The following CASP10 variants were observed in gnomAD, a reference collection of about 807,000 sequenced individuals.
The protein encoded by CASP10 is caspase 10, also known as caspase-10.
A neutral mutation model predicts 48.5 loss-of-function variants in CASP10; 41 were observed. The ratio of observed to expected loss-of-function variants is 0.85; its 90% confidence interval spans 0.66 to 1.10. The LOEUF is 1.10. Ranked by LOEUF, CASP10 falls within the 50% of genes least tolerant of loss-of-function variation. The pLI is 0.00. For synonymous variants in CASP10, 232 were observed against 238.4 expected, an observed-to-expected ratio of 0.97 and a Z score of 0.25; for missense variants, 614 against 614.5, an observed-to-expected ratio of 1.00 and a Z score of 0.01.
Position 201,218,235 on chromosome 2 carries a change from A to G in CASP10, c.*494A>G. 9.9e-7 allele frequency: 1 copy of G among 1,014,592 alleles called. No individual in the cohort carries two copies. The highest frequency in any genetic ancestry group is 1.7e-5 in the African/African-American group (1 of 57,476). The allele number at this position is 1,014,592 out of a possible 1,614,324, so 62.8% of individuals were successfully genotyped here. ...CACACCTGGCCAGAAAACTTTCATT[A>G]TTGAAGACTTGGATTGTAGCCTTGG... On this transcript the variant is annotated 3_prime_UTR_variant, in exon 10 of 10. Transcript: ENST00000286186.
chr2:201,225,926 A>G (rs1426984484), downstream of CASP10, among the ~76,000 whole-genome samples: 1 of 152,228 alleles, frequency 6.6e-6, no homozygotes. Context: ...AGATCATGCC[A>G]CTGCACTCCA....
In CASP10 at chr2:201,217,674, C is replaced by T. The variant is rs148939095; in HGVS notation, c.1502C>T (p.Pro501Leu). 930 of 1,614,084 alleles carry T rather than the reference C, an allele frequency of 5.8e-4. 4 individuals carry two copies. The highest frequency in any genetic ancestry group is 2.5e-3 in the Admixed American group (151 of 60,016). ...AAACAGGGAACAAAGAAACAGATGC[C>T]CCAGCCTGCTTTCACACTAAGGAAA... is the stretch of plus-strand genomic sequence containing the variant. ...VDKQGTKKQM[P>L]QPAFTLRKKL... Residue 501 changes from proline (P) to leucine (L), a missense_variant, in exon 10 of 10, where the codon CCC becomes CTC. Coordinates refer to ENST00000286186, the MANE Select transcript of CASP10 (RefSeq NM_032977.4).
At chr2:201,198,835 C>T (rs41361445) in intron 5 of CASP10, among the ~76,000 whole-genome samples, 11 of 152,222 alleles carry the variant, frequency 7.2e-5, no homozygotes, top group South Asian at 6.2e-4. Context: ...CCACCGCGCC[C>T]GGCCTATATT....
At chr2:201,208,043 T>C (rs1240242578) in intron 7 of CASP10, 32 bp from the exon 8 acceptor site, 1 of 1,503,202 alleles carries the variant, frequency 6.7e-7, no homozygotes, top group Admixed American at 1.7e-5. Context: ...AAGATAAGGA[T>C]TCCTACTAAG....
chr2:201,184,629 C>T lies in CASP10; in HGVS notation c.-7-1142C>T, dbSNP rs191697811. Among the ~76,000 whole-genome samples, 11 of 152,304 alleles carry T rather than the reference C, an allele frequency of 7.2e-5. No homozygotes were observed. The East Asian group carries it at 2.1e-3, about 29-fold the overall frequency. ...GTAAGCCATGACACCCCACCTGTTCCTTCCTTTATAAAGTATTTTCTTGTT... is the reference window on the plus strand; with the variant it reads ...GTAAGCCATGACACCCCACCTGTTCTTTCCTTTATAAAGTATTTTCTTGTT... On this transcript the variant is annotated intron_variant, in intron 1 of 9. Coordinates refer to ENST00000286186, the MANE Select transcript of CASP10 (RefSeq NM_032977.4).
At chr2:201,229,214 T>C (rs1437517222) in exon 10 of CASP10, 4 of 1,046,654 alleles carry the variant, frequency 3.8e-6, no homozygotes, top group African/African-American at 3.1e-5. Flanking sequence ...TTGAGACTTC[T>C]GAACGTGGCA....
intron 5 of CASP10, chr2:201,200,577 C>G: frequency 1.9e-6 from 3 of 1,578,966 alleles, no homozygotes; most frequent in Non-Finnish European, 2.6e-6. Flanking sequence ...GACACAGAGC[C>G]GGGAGAGGCC....
chr2:201,209,052 T>TTTTTTTTTTTTTTTTTTTTTTTC lies in CASP10; in HGVS notation c.923-13_923-12insTTTTTTTTTTTTTTTTTCTTTTT. 6.2e-7 allele frequency: 1 copy of TTTTTTTTTTTTTTTTTTTTTTTC among 1,603,334 alleles called. No homozygotes were observed. Among genetic ancestry groups the TTTTTTTTTTTTTTTTTTTTTTTC allele is most frequent in the Non-Finnish European group, 8.5e-7 (1 of 1,176,320 alleles). On this transcript the variant is annotated splice_polypyrimidine_tract_variant and intron_variant, in intron 8 of 9. Transcript: ENST00000286186. The stretch of plus-strand genomic sequence containing the variant: ...CTCTCTCTCTCTCTCTTTTTTTTTT[T>TTTTTTTTTTTTTTTTTTTTTTTC]TTTTTGTTTTTAAACAGAGATCCTG...
rs200540853 is a variant in CASP10 at position 201,209,444 on chromosome 2, G to A, written c.1297G>A (p.Glu433Lys). Residue 433 changes from glutamate to lysine, a missense_variant, in exon 9 of 10, where the codon GAG becomes AAG. Physicochemically the swap from Glu to Lys is moderately conservative, Grantham distance 56. Coordinates refer to ENST00000286186, the MANE Select transcript of CASP10 (RefSeq NM_032977.4). ...TTCCCTGCAGGACAGTATTCCTGCC[G>A]AGGCTGACTTCCTACTTGGTCTGGC... ...PTSLQDSIPA[E>K]ADFLLGLATV... 331 of 1,613,920 alleles carry A rather than the reference G, an allele frequency of 2.1e-4. No homozygotes were observed. The highest frequency in any genetic ancestry group is 2.5e-4 in the Non-Finnish European group (300 of 1,179,948).
At chr2:201,197,257 A>G (rs908298476) in intron 5 of CASP10, among the ~76,000 whole-genome samples, 1 of 152,050 alleles carries the variant, frequency 6.6e-6, no homozygotes, top group African/African-American at 2.4e-5. Context: ...GATTACAGCC[A>G]TGTACCACCA....
intron 6 of CASP10, among the ~76,000 whole-genome samples, chr2:201,204,084 C>T (rs969232753): frequency 1.4e-4 from 21 of 152,172 alleles, no homozygotes; most frequent in Admixed American, 3.3e-4. Context: ...CCCCGCAGGG[C>T]TGAAGCCTTC....
intron 7 of CASP10, among the ~76,000 whole-genome samples, chr2:201,206,576 T>A (rs1261673803): frequency 2.7e-5 from 4 of 147,786 alleles, no homozygotes; most frequent in Admixed American, 2.0e-4. Flanking sequence ...ATACTTTATA[T>A]ATATATACTT....
intron 1 of CASP10, 34 bp from the exon 2 acceptor site, chr2:201,185,737 C>T (rs1160034246): frequency 4.2e-6 from 6 of 1,437,330 alleles, no homozygotes; most frequent in Non-Finnish European, 4.9e-6. Context: ...TCCTCACTCT[C>T]TAACTCCCTG....
intron 5 of CASP10, among the ~76,000 whole-genome samples, chr2:201,201,621 G>C (rs995623235): frequency 6.6e-6 from 1 of 152,140 alleles, no homozygotes; most frequent in Non-Finnish European, 1.5e-5. Flanking sequence ...TGCAGTAGGG[G>C]GATAGTCGTG....
chr2:201,205,923 G>C lies in CASP10; in HGVS notation c.763G>C (p.Gly255Arg). ...TNGAPSLVSR[G>R]MQGASANTLN... is the part of the protein sequence containing the mutation. ...TGGTGCACCAAGCCTGGTCTCCAGGGGGATGCAAGGAGCATCTGCTAACAC... is the reference window on the plus strand; with the variant it reads ...TGGTGCACCAAGCCTGGTCTCCAGGCGGATGCAAGGAGCATCTGCTAACAC... The change falls in exon 7 of 10, where the codon GGG becomes CGG. Residue 255 changes from glycine to arginine, a missense_variant. Physicochemically the swap from Gly to Arg is moderately radical, Grantham distance 125. Transcript: ENST00000286186. The C allele has an allele frequency of 3.1e-6, 5 of 1,613,468 alleles. No homozygotes were observed. The highest frequency in any genetic ancestry group is 3.4e-6 in the Non-Finnish European group (4 of 1,179,498).
chr2:201,200,407 A>G (rs770211812), intron 5 of CASP10: 11 of 1,587,498 alleles, frequency 6.9e-6, no homozygotes, highest in South Asian at 1.1e-5. Flanking sequence ...GGCTCTCAGC[A>G]TTCTACTGTA....
At chr2:201,191,351 A>G (rs1460624021) in intron 3 of CASP10, among the ~76,000 whole-genome samples, 3 of 152,094 alleles carry the variant, frequency 2.0e-5, no homozygotes, top group Non-Finnish European at 4.4e-5. Flanking sequence ...CAGGAAAACC[A>G]TATTTCCTCT....
At position 201,209,496 on chromosome 2, in the gene CASP10, G is replaced by T; in HGVS notation, c.1349G>T (p.Arg450Leu). The change falls in exon 9 of 10, where the codon CGG becomes CTG. Residue 450 changes from arginine (R) to leucine (L), a missense_variant. By Grantham distance (102) the Arg-to-Leu change is moderately radical. Transcript: ENST00000286186. ...ACTGTCCCAGGCTATGTATCCTTTC[G>T]GCATGTGGAGGAAGGCAGCTGGTAT... ...LATVPGYVSF[R>L]HVEEGSWYIQ... The T allele has an allele frequency of 1.2e-6, 2 of 1,613,532 alleles. No homozygotes were observed. The highest frequency in any genetic ancestry group is 1.7e-6 in the Non-Finnish European group (2 of 1,179,808).
intron 5 of CASP10, chr2:201,200,796 G>GC (rs1241324554): frequency 9.4e-7 from 1 of 1,062,318 alleles, no homozygotes; most frequent in Admixed American, 4.7e-5. Context: ...ACACAGAATT[G>GC]CAATTATTTA....
Sources: gnomAD v4.1 joint callset for allele counts (sites outside exome capture counted in the v4.1 genomes callset) on GRCh38, gnomAD v4.1.1 for gene constraint, MANE v1.5 for transcripts, NCBI Gene and HGNC (gene_info 2026-07-23, HGNC 2026-07-21) for gene names.